Variants in DCLRE1C observed in about 807,000 individuals in gnomAD.
DCLRE1C encodes the protein DNA cross-link repair 1C.
DCLRE1C carries 47 observed loss-of-function variants against 61.4 expected under a neutral mutation model. The observed-to-expected ratio is 0.77, with a 90% CI of 0.61 to 0.98. The LOEUF (loss-of-function observed/expected upper bound fraction) is 0.98, where lower values mean the gene tolerates loss of function less well. Among genes scored for constraint, DCLRE1C ranks in the 50% least tolerant of loss-of-function variants. DCLRE1C has a pLI of 0.00. For missense variants in DCLRE1C, 858 were observed against 816.0 expected (o/e 1.05, Z -0.63); for synonymous variants, 337 against 287.6 (o/e 1.17, Z -1.74).
At chr10:14,927,753 A>G (rs1327519783) in intron 10 of DCLRE1C, among the ~76,000 whole-genome samples, 1 of 151,966 alleles carries the variant, frequency 6.6e-6, no homozygotes, top group African/African-American at 2.4e-5. Context: ...TCAATTTGTT[A>G]CTCTAAGCCA....
chr10:14,950,582 T>C lies in DCLRE1C; in HGVS notation c.110-1495A>G, dbSNP rs189481842. 8.6e-4 allele frequency among the ~76,000 whole-genome samples: 131 copies of C among 152,268 alleles called. 4 individuals are homozygous for C. The East Asian group carries it at 0.018, about 20-fold the overall frequency. ...GTCCACCTGTCTCCCACTGGGTAAA[T>C]TCCCTCAAGGGATATCTGGTCCAGT... On this transcript the variant is annotated intron_variant, in intron 1 of 13. Coordinates refer to ENST00000378278, the MANE Select transcript of DCLRE1C (RefSeq NM_001033855.3).
intron 5 of DCLRE1C, among the ~76,000 whole-genome samples, 189 bp from the exon 6 acceptor site, chr10:14,935,753 A>G (rs1314380711): frequency 6.6e-6 from 1 of 152,184 alleles, no homozygotes; most frequent in African/African-American, 2.4e-5. Context: ...GTAGAAAATA[A>G]CAGAATGGAG....
At chr10:14,902,364 C>A, downstream of DCLRE1C, 1 of 1,365,338 alleles carries the variant, frequency 7.3e-7, no homozygotes, top group Non-Finnish European at 1.0e-6. Context: ...TCTAAATTGT[C>A]TTAACTCTCT....
intron 13 of DCLRE1C, among the ~76,000 whole-genome samples, chr10:14,917,134 C>G (rs1199645305): frequency 6.6e-6 from 1 of 152,124 alleles, no homozygotes; most frequent in African/African-American, 2.4e-5. Context: ...AGTGCTAAAG[C>G]AATTCAGTGA....
At chr10:14,930,402 G>C (rs1487682451) in intron 9 of DCLRE1C, among the ~76,000 whole-genome samples, 1 of 149,296 alleles carries the variant, frequency 6.7e-6, no homozygotes, top group Non-Finnish European at 1.5e-5. Flanking sequence ...CAAAGTGCTG[G>C]GATTACAGAT....
At chr10:14,949,229 A>T (rs1306998999) in intron 1 of DCLRE1C, 142 bp from the exon 2 acceptor site, 1 of 664,260 alleles carries the variant, frequency 1.5e-6, no homozygotes, top group Non-Finnish European at 2.7e-6. Flanking sequence ...ATGGGCTATG[A>T]GCTCTTTCTT....
chr10:14,898,072 T>C (rs778592495), exon 14 of DCLRE1C: 9 of 150,094 alleles, frequency 6.0e-5, no homozygotes, highest in Non-Finnish European at 8.8e-5. Context: ...AATTTATTTG[T>C]ATACAAATCA....
At chr10:14,951,284 A>T (rs937425955) in intron 1 of DCLRE1C, among the ~76,000 whole-genome samples, 7 of 148,160 alleles carry the variant, frequency 4.7e-5, no homozygotes, top group African/African-American at 1.7e-4. Flanking sequence ...AGGTGGGAGT[A>T]CTTGCTGAGG....
At chr10:14,937,536 G>A (rs188673770) in intron 4 of DCLRE1C, among the ~76,000 whole-genome samples, 1,647 of 151,872 alleles carry the variant, frequency 0.011, 21 homozygotes, top group East Asian at 0.063. Flanking sequence ...CATCTGCCTC[G>A]GCCTCCCAAA....
At chr10:14,946,574 A>G (rs530277804) in intron 2 of DCLRE1C, among the ~76,000 whole-genome samples, 48 of 152,194 alleles carry the variant, frequency 3.2e-4, no homozygotes, top group African/African-American at 1.1e-3. Context: ...AGGTAGTACA[A>G]CTTCCTCCTA....
intron 13 of DCLRE1C, chr10:14,899,571 A>C (rs773447856): frequency 6.2e-7 from 1 of 1,614,168 alleles, no homozygotes; most frequent in Non-Finnish European, 8.5e-7. Context: ...AAAGACGAGG[A>C]CAGTTCTATG....
downstream of DCLRE1C, chr10:14,901,079 G>C (rs967329354): frequency 8.2e-6 from 13 of 1,588,314 alleles, no homozygotes; most frequent in African/African-American, 1.5e-4. Flanking sequence ...ATGGCATGTA[G>C]AAGGGCTTGT....
intron 4 of DCLRE1C, among the ~76,000 whole-genome samples, chr10:14,939,256 G>C (rs1360776512): frequency 6.6e-6 from 1 of 152,064 alleles, no homozygotes; most frequent in East Asian, 1.9e-4. Context: ...GACCAACATG[G>C]TGAAACCCCT....
intron 13 of DCLRE1C, chr10:14,899,449 T>C (rs1469009845): frequency 2.9e-6 from 4 of 1,367,150 alleles, no homozygotes; most frequent in Non-Finnish European, 4.0e-6. Flanking sequence ...TTTTTAAATA[T>C]TTGTAGGTAT....
Position 14,907,637 on chromosome 10 carries a change from T to C in DCLRE1C, c.*771A>G, listed in dbSNP as rs1481994782. Among the ~76,000 whole-genome samples, 2 of 152,134 alleles carry C rather than the reference T, an allele frequency of 1.3e-5. No homozygotes were observed. The highest frequency in any genetic ancestry group is 2.9e-5 in the Non-Finnish European group (2 of 68,012). ...TGTCTTCTTGGTGAACTAGACCTTTTATCATTAGGAAACTGTCCATATAAC... is the reference window on the plus strand; with the variant it reads ...TGTCTTCTTGGTGAACTAGACCTTTCATCATTAGGAAACTGTCCATATAAC... On this transcript the variant is annotated 3_prime_UTR_variant, in exon 14 of 14. Transcript: ENST00000378278.
rs1834628701 is a variant in DCLRE1C at position 14,908,187 on chromosome 10, T to TC, written c.*220_*221insG. The TC allele has an allele frequency of 8.7e-6, 2 of 230,484 alleles. No homozygotes were observed. The highest frequency in any genetic ancestry group is 6.0e-5 in the Admixed American group (1 of 16,600). The allele number at this position is 230,484 out of a possible 1,614,324, so 14.3% of individuals were successfully genotyped here. On this transcript the variant is annotated 3_prime_UTR_variant, in exon 14 of 14. Transcript: ENST00000378278. Reference sequence around the variant, plus strand: ...TGGCTTTTTTTTTTTTTTTTTTTTTTGTAAGTAGAGACACATTTCACTGTG... The same window carrying TC: ...TGGCTTTTTTTTTTTTTTTTTTTTTTCGTAAGTAGAGACACATTTCACTGTG...
rs945605540 is a variant in DCLRE1C at position 14,905,162 on chromosome 10, A to T, written c.*3246T>A. On this transcript the variant is annotated 3_prime_UTR_variant, in exon 14 of 14. Transcript: ENST00000378278. ...AAGATTAACCGAAGGTTTATATTCA[A>T]TTCCTTTAAATGTTACTTTCCTTTT... Among the ~76,000 whole-genome samples, 1 of 152,378 alleles carries T rather than the reference A, an allele frequency of 6.6e-6. No homozygotes were observed. The highest frequency in any genetic ancestry group is 1.5e-5 in the Non-Finnish European group (1 of 68,030).
intron 1 of DCLRE1C, among the ~76,000 whole-genome samples, chr10:14,950,355 A>G (rs12220496): frequency 1.5e-5 from 2 of 135,062 alleles, no homozygotes; most frequent in African/African-American, 3.0e-5. Flanking sequence ...ATAAATAATA[A>G]CCAAAAAAAA....
intron 13 of DCLRE1C, among the ~76,000 whole-genome samples, chr10:14,913,845 G>A (rs536056402): frequency 6.6e-6 from 1 of 152,146 alleles, no homozygotes; most frequent in South Asian, 2.1e-4. Flanking sequence ...GGTACTCTTG[G>A]GGGGGTCCTG....
Sources: gnomAD v4.1 joint callset for allele counts (sites outside exome capture counted in the v4.1 genomes callset) on GRCh38, gnomAD v4.1.1 for gene constraint, MANE v1.5 for transcripts, NCBI Gene and HGNC (gene_info 2026-07-23, HGNC 2026-07-21) for gene names.